Variants in ASIC2 observed in about 807,000 individuals in gnomAD.
ASIC2 encodes the protein acid sensing ion channel subunit 2, also known as acid-sensing ion channel 2.
ASIC2 carries 25 observed loss-of-function variants against 57.3 expected under a neutral mutation model. The ratio of observed to expected loss-of-function variants is 0.44; its 90% CI spans 0.32 to 0.61. The LOEUF is 0.61. Ranked by LOEUF, ASIC2 falls within the 20% of genes least tolerant of loss-of-function variation. The probability of loss-of-function intolerance (pLI) is 0.06; values close to 1 mark genes in which losing one functional copy is unlikely to be tolerated. For missense variants in ASIC2, 641 were observed against 738.1 expected, an observed-to-expected ratio of 0.87 and a Z score of 1.52; for synonymous variants, 319 against 307.5, an observed-to-expected ratio of 1.04 and a Z score of -0.39.
intron 1 of ASIC2, among the ~76,000 whole-genome samples, chr17:33,486,094 A>C (rs752562477): frequency 3.9e-5 from 6 of 152,176 alleles, no homozygotes; most frequent in Non-Finnish European, 5.9e-5. Context: ...GCACTGACTC[A>C]GACTGACTAC....
intron 1 of ASIC2, among the ~76,000 whole-genome samples, chr17:33,678,845 C>T (rs1207030992): frequency 6.6e-6 from 1 of 152,108 alleles, no homozygotes; most frequent in Non-Finnish European, 1.5e-5. Context: ...CAGAAACCCT[C>T]CCTTGTGATT....
intron 1 of ASIC2, among the ~76,000 whole-genome samples, chr17:33,768,149 C>T (rs896091685): frequency 3.9e-5 from 6 of 152,022 alleles, no homozygotes; most frequent in African/African-American, 1.2e-4. Context: ...GCTGGGACTA[C>T]GGGCGCCTGC....
At chr17:33,429,978 T>C in intron 1 of ASIC2, among the ~76,000 whole-genome samples, 1 of 152,110 alleles carries the variant, frequency 6.6e-6, no homozygotes, top group East Asian at 1.9e-4. Context: ...AAATACATCC[T>C]TCACCCAACC....
Position 33,402,612 on chromosome 17 carries a change from T to A in ASIC2, c.556-290545A>T, listed in dbSNP as rs147509355. Among the ~76,000 whole-genome samples the A allele has an allele frequency of 2.6e-3, 392 of 152,324 alleles. 2 individuals are homozygous for A. The highest frequency in any genetic ancestry group is 9.1e-3 in the African/African-American group (377 of 41,572). Reference sequence around the variant, plus strand: ...TTCATCCATGTCCCTGAAAAGGACATGATCTCACTCCTTTTTATGGCTGTA... The same window carrying A: ...TTCATCCATGTCCCTGAAAAGGACAAGATCTCACTCCTTTTTATGGCTGTA... On this transcript the variant is annotated intron_variant, in intron 1 of 9. Coordinates refer to the ASIC2 transcript ENST00000359872.
intron 1 of ASIC2, among the ~76,000 whole-genome samples, chr17:33,570,619 G>A (rs1355489491): frequency 6.6e-6 from 1 of 152,202 alleles, no homozygotes; most frequent in African/African-American, 2.4e-5. Context: ...TACCATTTTA[G>A]TTACTTCTTG....
intron 1 of ASIC2, among the ~76,000 whole-genome samples, chr17:34,129,590 A>T (rs527736426): frequency 6.6e-6 from 1 of 152,292 alleles, no homozygotes; most frequent in African/African-American, 2.4e-5. Context: ...AAGAATAAAC[A>T]TCACTGCCTA....
At chr17:33,428,750 G>A (rs1301193035) in intron 1 of ASIC2, among the ~76,000 whole-genome samples, 1 of 152,106 alleles carries the variant, frequency 6.6e-6, no homozygotes, top group Non-Finnish European at 1.5e-5. Flanking sequence ...TCCACTGACG[G>A]ACAGCCCTCT....
At chr17:33,887,666 T>C (rs1914860675) in intron 1 of ASIC2, among the ~76,000 whole-genome samples, 1 of 152,152 alleles carries the variant, frequency 6.6e-6, no homozygotes, top group South Asian at 2.1e-4. Context: ...CCTTATGGGA[T>C]GAGGAGTTCT....
Position 33,167,766 on chromosome 17 carries a change from G to A in ASIC2, c.709-55699C>T, listed in dbSNP as rs567784146. Reference sequence around the variant, plus strand: ...CAAACATGGACTATCTACCCCATTTGACAATCCCAATCCCAAGACGTGCCT... The same window carrying A: ...CAAACATGGACTATCTACCCCATTTAACAATCCCAATCCCAAGACGTGCCT... On this transcript the variant is annotated intron_variant, in intron 1 of 9. Transcript: ENST00000225823. Among the ~76,000 whole-genome samples the A allele has an allele frequency of 9.9e-5, 15 of 151,980 alleles. No homozygotes were observed. In the East Asian group the frequency reaches 2.9e-3, roughly 29 times the overall value.
intron 1 of ASIC2, among the ~76,000 whole-genome samples, chr17:33,206,806 A>G (rs934836574): frequency 3.9e-5 from 6 of 152,166 alleles, no homozygotes; most frequent in Non-Finnish European, 8.8e-5. Context: ...ACTGGAGATC[A>G]GAATTGCCAG....
chr17:33,479,406 G>A (rs1328703035), intron 1 of ASIC2, among the ~76,000 whole-genome samples: 1 of 152,176 alleles, frequency 6.6e-6, no homozygotes, highest in African/African-American at 2.4e-5. Flanking sequence ...TTTGGTGAAT[G>A]TTCTGGGTTT....
chr17:33,571,014 C>T (rs1346083616), intron 1 of ASIC2, among the ~76,000 whole-genome samples: 2 of 152,194 alleles, frequency 1.3e-5, no homozygotes, highest in Non-Finnish European at 1.5e-5. Context: ...AGATTTCACT[C>T]TTTTGATGGG....
intron 1 of ASIC2, among the ~76,000 whole-genome samples, chr17:33,762,103 G>A (rs1910801780): frequency 6.6e-6 from 1 of 152,098 alleles, no homozygotes; most frequent in Non-Finnish European, 1.5e-5. Flanking sequence ...CTGTAGCAGG[G>A]GCTCAGACCC....
At chr17:33,143,187 C>T (rs1904399857) in intron 1 of ASIC2, among the ~76,000 whole-genome samples, 1 of 152,150 alleles carries the variant, frequency 6.6e-6, no homozygotes, top group African/African-American at 2.4e-5. Context: ...TTTCTTAGAT[C>T]ATGGATGCTA....
chr17:33,023,754 T>C (rs902877577), intron 6 of ASIC2, 107 bp downstream of exon 6: 1 of 1,456,200 alleles, frequency 6.9e-7, no homozygotes, highest in African/African-American at 1.4e-5. Flanking sequence ...AACTAATGTT[T>C]GCTAACTTGA....
At chr17:33,395,409 A>G (rs1672734312) in intron 1 of ASIC2, among the ~76,000 whole-genome samples, 1 of 152,232 alleles carries the variant, frequency 6.6e-6, no homozygotes, top group African/African-American at 2.4e-5. Flanking sequence ...CAGCAGGCAG[A>G]AAGATCTTGT....
intron 1 of ASIC2, among the ~76,000 whole-genome samples, chr17:34,120,638 G>C (rs1911583022): frequency 6.6e-6 from 1 of 150,500 alleles, no homozygotes; most frequent in African/African-American, 2.4e-5. Context: ...TTTGGAAATA[G>C]GGTCACTGCA....
intron 1 of ASIC2, among the ~76,000 whole-genome samples, chr17:33,215,964 G>A (rs1435104205): frequency 6.6e-6 from 1 of 152,142 alleles, no homozygotes; most frequent in East Asian, 1.9e-4. Flanking sequence ...CTCCCAAAGT[G>A]CTGGGATTAC....
chr17:33,417,988 C>T (rs1369566719), intron 1 of ASIC2, among the ~76,000 whole-genome samples: 1 of 150,418 alleles, frequency 6.6e-6, no homozygotes, highest in Non-Finnish European at 1.5e-5. Context: ...ATCTTGGAAT[C>T]GGGAGCCAGA....
Sources: allele counts gnomAD v4.1 joint callset (sites outside exome capture counted in the v4.1 genomes callset), GRCh38; gene constraint gnomAD v4.1.1; transcripts MANE v1.5; gene names NCBI Gene and HGNC (gene_info 2026-07-23, HGNC 2026-07-21).